Variants in CMSS1 observed in about 807,000 individuals in gnomAD.
The protein encoded by CMSS1 is cms1 ribosomal small subunit homolog.
In CMSS1, 33 loss-of-function variants were observed where a neutral mutation model predicts 43.5. That is an observed-to-expected ratio of 0.76 (90% CI 0.57 to 1.01). The LOEUF (loss-of-function observed/expected upper bound fraction) is 1.01. Ranked by LOEUF, CMSS1 falls within the 50% of genes least tolerant of loss-of-function variation. The pLI is 0.00. For missense variants in CMSS1, 313 were observed against 326.4 expected, an observed-to-expected ratio of 0.96 and a Z score of 0.32; for synonymous variants, 115 against 117.2, an observed-to-expected ratio of 0.98 and a Z score of 0.12.
intron 1 of CMSS1, among the ~76,000 whole-genome samples, chr3:99,987,608 T>C (rs1709383463): frequency 6.6e-6 from 1 of 151,986 alleles, no homozygotes; most frequent in Admixed American, 6.6e-5. Flanking sequence ...TTGAACCCTC[T>C]GGCCTTAATC....
At chr3:99,861,818 C>A (rs1944273585) in intron 1 of CMSS1, among the ~76,000 whole-genome samples, 1 of 152,166 alleles carries the variant, frequency 6.6e-6, no homozygotes, top group Non-Finnish European at 1.5e-5. Context: ...AATTCAGACT[C>A]TGGAGTTCAG....
At chr3:100,145,447 C>CA (rs111912083) in intron 1 of CMSS1, among the ~76,000 whole-genome samples, 7,917 of 137,472 alleles carry the variant, frequency 0.058, 364 homozygotes, top group East Asian at 0.17. Context: ...GATTCCGTCT[C>CA]AAAAAAAAAA....
intron 1 of CMSS1, among the ~76,000 whole-genome samples, chr3:99,899,621 G>A (rs1312341270): frequency 6.6e-6 from 1 of 152,160 alleles, no homozygotes; most frequent in African/African-American, 2.4e-5. Flanking sequence ...CTAGGACAAA[G>A]TACTAGGAAT....
chr3:100,011,435 C>T (rs993780627), intron 1 of CMSS1, among the ~76,000 whole-genome samples: 9 of 152,144 alleles, frequency 5.9e-5, no homozygotes, highest in Admixed American at 5.2e-4. Context: ...TAATTTAAAA[C>T]ACCCAGAGGA....
At chr3:100,174,267 C>T (rs12487143) in intron 8 of CMSS1, among the ~76,000 whole-genome samples, 34,248 of 152,030 alleles carry the variant, frequency 0.23, 4,014 homozygotes, top group East Asian at 0.31. Flanking sequence ...GATGGACTCT[C>T]AGGTTGGTTC....
chr3:100,082,802 G>A (rs951064699), intron 1 of CMSS1, among the ~76,000 whole-genome samples: 2 of 152,086 alleles, frequency 1.3e-5, no homozygotes, highest in Admixed American at 1.3e-4. Flanking sequence ...TTTCAGCATG[G>A]TAGTCATAGA....
intron 1 of CMSS1, among the ~76,000 whole-genome samples, chr3:100,048,605 C>G (rs2065316306): frequency 1.3e-5 from 2 of 152,142 alleles, no homozygotes; most frequent in Admixed American, 1.3e-4. Context: ...CCAGGTGATT[C>G]TTGCACCACT....
At chr3:99,920,180 T>G (rs892692730) in intron 1 of CMSS1, among the ~76,000 whole-genome samples, 2 of 152,172 alleles carry the variant, frequency 1.3e-5, no homozygotes, top group Admixed American at 1.3e-4. Context: ...AGACCAGAAA[T>G]GCAGTAACAT....
intron 1 of CMSS1, chr3:99,876,128 C>T: frequency 1.0e-6 from 1 of 986,292 alleles, no homozygotes; most frequent in Non-Finnish European, 1.2e-6. Context: ...TGTAGTGCCG[C>T]GCTGCGAGCC....
At chr3:100,108,457 A>G in intron 1 of CMSS1, among the ~76,000 whole-genome samples, 1 of 152,180 alleles carries the variant, frequency 6.6e-6, no homozygotes, top group East Asian at 1.9e-4. Context: ...TTTAGAGGGT[A>G]ACTTGTTGAG....
intron 1 of CMSS1, among the ~76,000 whole-genome samples, chr3:100,139,611 GTGTATA>G (rs1223822088): frequency 6.9e-6 from 1 of 144,970 alleles, no homozygotes. Flanking sequence ...ATATGTGTGT[GTGTATA>G]TATATATATA....
rs548328220 is a variant in CMSS1, at chr3:99,884,024, C to G, written c.64+65981C>G. Among the ~76,000 whole-genome samples the G allele has an allele frequency of 7.2e-5, 11 of 152,260 alleles. 2 individuals are homozygous for G. The South Asian group carries it at 1.5e-3, about 20-fold the overall frequency. On this transcript the variant is annotated intron_variant, in intron 1 of 9. Transcript: ENST00000421999. ...TTACAGAACTTTGTACTTCTCTCATCTGCTATTTAGTTCATTGGACTTGAA... is the reference window on the plus strand; with the variant it reads ...TTACAGAACTTTGTACTTCTCTCATGTGCTATTTAGTTCATTGGACTTGAA...
At chr3:99,908,479 C>T (rs1706691232) in intron 1 of CMSS1, among the ~76,000 whole-genome samples, 1 of 152,166 alleles carries the variant, frequency 6.6e-6, no homozygotes, top group South Asian at 2.1e-4. Context: ...GGAATCTATA[C>T]TTTTAAGTGT....
intron 1 of CMSS1, among the ~76,000 whole-genome samples, chr3:99,933,187 C>T (rs1049814245): frequency 4.6e-5 from 7 of 152,168 alleles, no homozygotes; most frequent in African/African-American, 1.7e-4. Flanking sequence ...TGTCATTATG[C>T]TGTATTGCCT....
At position 100,154,454 on chromosome 3, in the gene CMSS1, G is replaced by A. The variant is rs571787511; in HGVS notation, c.154-5976G>A. ...TTTTGCACCCCCACTATCAGTGTGTGAGAGTTTTGGTTGCTGTACATCCTT... is the reference window on the plus strand; with the variant it reads ...TTTTGCACCCCCACTATCAGTGTGTAAGAGTTTTGGTTGCTGTACATCCTT... On this transcript the variant is annotated intron_variant, in intron 2 of 9. Coordinates refer to ENST00000421999, the MANE Select transcript of CMSS1 (RefSeq NM_032359.4). Among the ~76,000 whole-genome samples, 21 of 152,210 alleles carry A rather than the reference G, an allele frequency of 1.4e-4. No homozygotes were observed. In the East Asian group the frequency reaches 3.1e-3, roughly 22 times the overall value.
intron 4 of CMSS1, 105 bp from the exon 5 acceptor site, chr3:100,166,230 T>A (rs2067064538): frequency 1.1e-5 from 8 of 712,866 alleles, no homozygotes; most frequent in Non-Finnish European, 1.7e-5. Context: ...CCCAATTCAC[T>A]AATATTTTAC....
chr3:99,909,321 G>A (rs944740579), intron 1 of CMSS1, among the ~76,000 whole-genome samples: 60 of 152,128 alleles, frequency 3.9e-4, no homozygotes, highest in African/African-American at 1.3e-3. Flanking sequence ...ATTGAATTTT[G>A]ATTGTGTGTA....
At chr3:99,978,877 T>A (rs1419977954) in intron 1 of CMSS1, among the ~76,000 whole-genome samples, 1 of 151,636 alleles carries the variant, frequency 6.6e-6, no homozygotes, top group Non-Finnish European at 1.5e-5. Flanking sequence ...AGAGCGAGAC[T>A]CTTGTTTACA....
At chr3:99,998,056 C>T (rs1019856567) in intron 1 of CMSS1, among the ~76,000 whole-genome samples, 1 of 152,148 alleles carries the variant, frequency 6.6e-6, no homozygotes, top group African/African-American at 2.4e-5. Flanking sequence ...CACAAGTTAA[C>T]TAGTGTTTAG....
Sources: gnomAD v4.1 joint callset for allele counts (sites outside exome capture counted in the v4.1 genomes callset) on GRCh38, gnomAD v4.1.1 for gene constraint, MANE v1.5 for transcripts, NCBI Gene and HGNC (gene_info 2026-07-23, HGNC 2026-07-21) for gene names.